Variants in AFAP1 observed in about 807,000 individuals in gnomAD.
AFAP1 encodes actin filament-associated protein 1.
In AFAP1, 75 loss-of-function variants were observed where a neutral mutation model predicts 93.9. That is an observed-to-expected ratio of 0.80 (90% CI 0.66 to 0.97). The LOEUF is 0.97. Among genes scored for constraint, AFAP1 ranks in the 50% least tolerant of loss-of-function variants. The probability of loss-of-function intolerance (pLI) is 0.00; values close to 1 mark genes in which losing one functional copy is unlikely to be tolerated. For synonymous variants in AFAP1, 517 were observed against 430.7 expected (o/e 1.20, Z -2.48); for missense variants, 1,201 against 1,050.8 (o/e 1.14, Z -1.98).
In AFAP1 at chr4:7,772,916, C is replaced by T; in HGVS notation, c.2157G>A (p.Glu719=). The change falls in exon 16 of 18, where the codon GAG becomes GAA. Residue 719 remains glutamate (E), a synonymous_variant. Coordinates refer to ENST00000420658, the MANE Select transcript of AFAP1 (RefSeq NM_001134647.2). ...KEAERVSLEL[E]LTEVKESLKK... ...TCAGGCTCTCCTTGACCTCCGTCAG[C>T]TCCAGCTCCAGGCTGACACGCTCCG... The T allele has an allele frequency of 2.5e-6, 4 of 1,614,116 alleles. No individual in the cohort carries two copies. Among genetic ancestry groups the T allele is most frequent in the Non-Finnish European group, 3.4e-6 (4 of 1,180,010 alleles).
At chr4:7,849,516 T>G (rs915712955) in intron 4 of AFAP1, among the ~76,000 whole-genome samples, 7 of 152,002 alleles carry the variant, frequency 4.6e-5, no homozygotes, top group East Asian at 3.9e-4. Context: ...CACACTCGGG[T>G]GAGGGGGAAA....
At chr4:7,773,311 C>G (rs887750313) in intron 15 of AFAP1, 1 of 343,098 alleles carries the variant, frequency 2.9e-6, no homozygotes, top group African/African-American at 2.1e-5. Context: ...AACGTGGACC[C>G]TAAACTCCAC....
At chr4:7,769,129 G>A (rs1715044124) in intron 16 of AFAP1, 121 bp from the exon 17 acceptor site, 17 of 1,314,532 alleles carry the variant, frequency 1.3e-5, no homozygotes, top group East Asian at 2.5e-5. Flanking sequence ...AATAACAGCA[G>A]TAGCAGCAAG....
At chr4:7,793,952 AAAGG>A in intron 10 of AFAP1, 126 bp from the exon 11 acceptor site, 1 of 1,108,484 alleles carries the variant, frequency 9.0e-7, no homozygotes, top group Non-Finnish European at 1.2e-6. Flanking sequence ...GAAGAAACGA[AAAGG>A]AAGATGGCTG....
At chr4:7,930,911 C>A (rs777370708) in intron 1 of AFAP1, among the ~76,000 whole-genome samples, 12 of 152,144 alleles carry the variant, frequency 7.9e-5, no homozygotes, top group Non-Finnish European at 1.3e-4. Flanking sequence ...ACACTACAAC[C>A]GACTAATTTT....
chr4:7,881,023 G>A (rs145762562), intron 1 of AFAP1, among the ~76,000 whole-genome samples: 2 of 152,260 alleles, frequency 1.3e-5, no homozygotes, highest in East Asian at 3.9e-4. Flanking sequence ...ACAGTTGCTG[G>A]TGGCCTTTTG....
intron 1 of AFAP1, among the ~76,000 whole-genome samples, chr4:7,891,772 G>A (rs1273175199): frequency 1.3e-5 from 2 of 148,148 alleles, no homozygotes; most frequent in Non-Finnish European, 3.0e-5. Flanking sequence ...AAAAAGGCCG[G>A]GCGTGGTGGC....
chr4:7,900,922 G>A (rs1560227515), intron 1 of AFAP1, among the ~76,000 whole-genome samples: 1 of 152,164 alleles, frequency 6.6e-6, no homozygotes, highest in Non-Finnish European at 1.5e-5. Context: ...CAGGGCCTCA[G>A]GCAAATTCAC....
intron 12 of AFAP1, among the ~76,000 whole-genome samples, chr4:7,782,721 C>A (rs1171540515): frequency 2.6e-5 from 4 of 152,194 alleles, no homozygotes; most frequent in Admixed American, 6.5e-5. Flanking sequence ...AGTCTTCCTG[C>A]ATAGTCCTTT....
At chr4:7,864,045 C>CCTTCCCAACTTCCCATCACAACA (rs1716081777) in intron 3 of AFAP1, among the ~76,000 whole-genome samples, 1 of 1,500 alleles carries the variant, frequency 6.7e-4, no homozygotes. Flanking sequence ...CCATCACAAC[C>CCTTCCCAACTTCCCATCACAACA]CATTCCCAAC....
chr4:7,875,845 G>A (rs1013378341), intron 1 of AFAP1, among the ~76,000 whole-genome samples: 1 of 152,072 alleles, frequency 6.6e-6, no homozygotes, highest in African/African-American at 2.4e-5. Flanking sequence ...CAAATATTAC[G>A]AGTCTACTTA....
chr4:7,810,609 C>T (rs900727127), intron 8 of AFAP1, among the ~76,000 whole-genome samples: 3 of 152,188 alleles, frequency 2.0e-5, no homozygotes, highest in African/African-American at 7.2e-5. Context: ...CCTTCCAGCC[C>T]CTCATATTCG....
intron 2 of AFAP1, among the ~76,000 whole-genome samples, chr4:7,869,820 C>T (rs1248875317): frequency 2.0e-5 from 3 of 147,950 alleles, no homozygotes; most frequent in Non-Finnish European, 4.5e-5. Flanking sequence ...TGCAAACAAA[C>T]AAAAGCAAGA....
chr4:7,863,749 G>A (rs1260180162), intron 3 of AFAP1, among the ~76,000 whole-genome samples: 1 of 149,690 alleles, frequency 6.7e-6, no homozygotes, highest in Non-Finnish European at 1.5e-5. Flanking sequence ...ACACTAAAAA[G>A]GATAAAAAAG....
Position 7,763,459 on chromosome 4 carries a change from A to G in AFAP1, c.*306T>C, listed in dbSNP as rs1714096159. 4 of 372,218 alleles carry G rather than the reference A, an allele frequency of 1.1e-5. No homozygotes were observed. The highest frequency in any genetic ancestry group is 4.2e-5 in the South Asian group (1 of 23,774). 23.1% of individuals were successfully genotyped at this position (372,218 alleles called of 1,614,324 possible). On this transcript the variant is annotated 3_prime_UTR_variant, in exon 18 of 18. Coordinates refer to ENST00000420658, the MANE Select transcript of AFAP1 (RefSeq NM_001134647.2). ...GGCTGGGTTGGAATCGGTGAAAGCA[A>G]TGGCCTATCTGGTTAGAAAGATGTC... is the stretch of plus-strand genomic sequence containing the variant.
chr4:7,786,741 G>A (rs1276869055), intron 11 of AFAP1, among the ~76,000 whole-genome samples: 1 of 152,222 alleles, frequency 6.6e-6, no homozygotes, highest in Non-Finnish European at 1.5e-5. Context: ...CACAGCTTGT[G>A]TTCATAATAA....
chr4:7,867,911 CAG>C (rs1158850469), intron 3 of AFAP1, among the ~76,000 whole-genome samples: 2 of 152,072 alleles, frequency 1.3e-5, no homozygotes, highest in African/African-American at 4.8e-5. Flanking sequence ...CGTATCCTGG[CAG>C]AGAGATCATC....
intron 4 of AFAP1, among the ~76,000 whole-genome samples, chr4:7,847,792 T>TGG (rs1553845868): frequency 2.8e-3 from 103 of 36,576 alleles, no homozygotes; most frequent in Admixed American, 5.5e-3. Context: ...TCAGGGGTAC[T>TGG]CGGGGTGGGG....
intron 10 of AFAP1, among the ~76,000 whole-genome samples, chr4:7,794,274 C>A (rs1195524692): frequency 6.6e-6 from 1 of 152,170 alleles, no homozygotes; most frequent in Non-Finnish European, 1.5e-5. Context: ...ATACCAGGAG[C>A]CCTGGGTGAG....
Sources: gnomAD v4.1 joint callset for allele counts (sites outside exome capture counted in the v4.1 genomes callset) on GRCh38, gnomAD v4.1.1 for gene constraint, MANE v1.5 for transcripts, NCBI Gene and HGNC (gene_info 2026-07-23, HGNC 2026-07-21) for gene names.